The following KIF26B variants were observed in gnomAD, a reference collection of about 807,000 sequenced individuals.
KIF26B encodes kinesin family member 26B, also known as kinesin-like protein KIF26B.
In KIF26B, 63 loss-of-function variants were observed where a neutral mutation model predicts 151.2. The ratio of observed to expected loss-of-function variants is 0.42; its 90% CI spans 0.34 to 0.51. The LOEUF is 0.51. KIF26B is among the 20% of genes least tolerant of loss of function. KIF26B has a pLI of 0.07. For synonymous variants in KIF26B, 1,357 were observed against 1,262.1 expected, an observed-to-expected ratio of 1.08 and a Z score of -1.59; for missense variants, 2,813 against 2,913.6, an observed-to-expected ratio of 0.97 and a Z score of 0.79.
rs963476034 is a variant in KIF26B, at chr1:245,678,838, G to A, written c.2259-5395G>A. ...AGATCACACTACTGCACTCCAGCCC[G>A]GGTGACAGGGCAAGACTTCGTCTCA... is the stretch of plus-strand genomic sequence containing the variant. On this transcript the variant is annotated intron_variant, in intron 10 of 14. Transcript: ENST00000407071. 4.0e-5 allele frequency among the ~76,000 whole-genome samples: 6 copies of A among 151,700 alleles called. No homozygotes were observed. The South Asian group carries it at 1.1e-3, about 27-fold the overall frequency.
chr1:245,379,748 A>G (rs1673360693), intron 3 of KIF26B, among the ~76,000 whole-genome samples: 1 of 152,100 alleles, frequency 6.6e-6, no homozygotes. Flanking sequence ...AGACAGGTGG[A>G]CCACCTGAGG....
chr1:245,517,914 G>A (rs114553163), intron 4 of KIF26B, among the ~76,000 whole-genome samples: 3,189 of 146,888 alleles, frequency 0.022, 119 homozygotes, highest in African/African-American at 0.077. Context: ...ACTCTATCGC[G>A]CAGGCCGGAG....
At chr1:245,381,088 A>G (rs1284769113) in intron 3 of KIF26B, among the ~76,000 whole-genome samples, 1 of 152,142 alleles carries the variant, frequency 6.6e-6, no homozygotes, top group East Asian at 1.9e-4. Flanking sequence ...AGCTTCATCA[A>G]AGGAGACAGG....
In KIF26B at chr1:245,322,428, A is replaced by G. The variant is rs1459221334; in HGVS notation, c.466-44406A>G. ...AAATCACACACAAAAAGGAAAGTAC[A>G]TTTAGATCTCATCTCCCTCTCACCC... is the stretch of plus-strand genomic sequence containing the variant. On this transcript the variant is annotated intron_variant, in intron 2 of 14. Coordinates refer to ENST00000407071, the MANE Select transcript of KIF26B (RefSeq NM_018012.4). Among the ~76,000 whole-genome samples the G allele has an allele frequency of 4.6e-5, 7 of 152,188 alleles. No homozygotes were observed. In the East Asian group the frequency reaches 5.8e-4, roughly 13 times the overall value.
At position 245,685,464 on chromosome 1, in the gene KIF26B, C is replaced by T. The variant is rs781537149; in HGVS notation, c.2481C>T (p.Pro827=). The T allele has an allele frequency of 4.3e-6, 7 of 1,613,676 alleles. No homozygotes were observed. The highest frequency in any genetic ancestry group is 5.9e-6 in the Non-Finnish European group (7 of 1,179,872). Residue 827 remains proline (P), a synonymous_variant, in exon 12 of 15, where the codon CCC becomes CCT. Coordinates refer to ENST00000407071, the MANE Select transcript of KIF26B (RefSeq NM_018012.4). ...SSCEEGRMRR[P]TQLRPFHTRA... ...GCGAAGAAGGCCGCATGCGCAGGCC[C>T]ACCCAGCTGAGACCCTTCCACACCA...
intron 9 of KIF26B, among the ~76,000 whole-genome samples, chr1:245,631,495 T>C (rs1425305923): frequency 1.3e-5 from 2 of 152,176 alleles, no homozygotes; most frequent in African/African-American, 4.8e-5. Context: ...TGGTGTATTA[T>C]GTTATTGGTG....
At chr1:245,254,787 T>C (rs1042372438) in intron 2 of KIF26B, among the ~76,000 whole-genome samples, 2 of 152,228 alleles carry the variant, frequency 1.3e-5, no homozygotes, top group African/African-American at 4.8e-5. Flanking sequence ...CTGGGGGCTA[T>C]GCAGGCAGCT....
intron 2 of KIF26B, among the ~76,000 whole-genome samples, chr1:245,163,507 C>T (rs957554796): frequency 2.0e-5 from 3 of 152,168 alleles, no homozygotes; most frequent in African/African-American, 7.2e-5. Context: ...GCTCTCTCTC[C>T]CTCAAATAGT....
chr1:245,455,411 G>A (rs900072930), intron 4 of KIF26B, among the ~76,000 whole-genome samples: 6 of 152,172 alleles, frequency 3.9e-5, no homozygotes, highest in Non-Finnish European at 8.8e-5. Flanking sequence ...GGCTGAGGCA[G>A]GAGAGTCGCT....
intron 3 of KIF26B, among the ~76,000 whole-genome samples, chr1:245,376,781 A>C (rs1405945460): frequency 6.6e-6 from 1 of 151,746 alleles, no homozygotes; most frequent in Non-Finnish European, 1.5e-5. Flanking sequence ...TCCGCCTCCT[A>C]GGTTGAAGTG....
chr1:245,418,632 A>G (rs1332966389), intron 3 of KIF26B, among the ~76,000 whole-genome samples: 4 of 152,208 alleles, frequency 2.6e-5, no homozygotes, highest in Non-Finnish European at 5.9e-5. Context: ...CTTAGCATTT[A>G]AGGGTTTGAA....
intron 4 of KIF26B, among the ~76,000 whole-genome samples, chr1:245,483,570 T>C (rs935525654): frequency 1.3e-5 from 2 of 151,914 alleles, no homozygotes; most frequent in Non-Finnish European, 2.9e-5. Flanking sequence ...GAAATTTTGC[T>C]AATTAATTTT....
At chr1:245,511,104 C>T in intron 4 of KIF26B, 1 of 717,284 alleles carries the variant, frequency 1.4e-6, no homozygotes. Context: ...CATGACTTAT[C>T]AATGATGATG....
chr1:245,588,229 TCCCTC>T (rs796115812), intron 5 of KIF26B, among the ~76,000 whole-genome samples: 37 of 152,230 alleles, frequency 2.4e-4, no homozygotes, highest in African/African-American at 8.9e-4. Flanking sequence ...AGTTGGTACT[TCCCTC>T]CCTAACCCCC....
chr1:245,562,239 G>A (rs970812926), intron 5 of KIF26B, among the ~76,000 whole-genome samples: 5 of 152,068 alleles, frequency 3.3e-5, no homozygotes, highest in African/African-American at 7.2e-5. Context: ...GCAGATTAGA[G>A]GACAGAAATT....
chr1:245,675,535 G>A (rs2044347550), intron 10 of KIF26B, among the ~76,000 whole-genome samples: 1 of 152,180 alleles, frequency 6.6e-6, no homozygotes, highest in Non-Finnish European at 1.5e-5. Context: ...CTATCTTTGG[G>A]AAAGGTCAAA....
intron 4 of KIF26B, among the ~76,000 whole-genome samples, chr1:245,455,984 TA>T (rs1242095856): frequency 3.9e-5 from 6 of 152,068 alleles, no homozygotes; most frequent in African/African-American, 1.4e-4. Context: ...TCTGGCCCAT[TA>T]AAAAAAATTG....
intron 10 of KIF26B, among the ~76,000 whole-genome samples, chr1:245,681,271 G>A (rs972174456): frequency 8.0e-5 from 12 of 149,858 alleles, no homozygotes; most frequent in African/African-American, 2.9e-4. Context: ...GTGCAGTGGC[G>A]CGATCACGGC....
chr1:245,548,736 A>G (rs1190484216), intron 5 of KIF26B, among the ~76,000 whole-genome samples: 4 of 141,626 alleles, frequency 2.8e-5, no homozygotes, highest in African/African-American at 1.0e-4. Context: ...TTTTCCTCCC[A>G]TTTTGCAACT....
Sources: allele counts gnomAD v4.1 joint callset (sites outside exome capture counted in the v4.1 genomes callset), GRCh38; gene constraint gnomAD v4.1.1; transcripts MANE v1.5; gene names NCBI Gene and HGNC (gene_info 2026-07-23, HGNC 2026-07-21).